Variants in TTC28 observed in about 807,000 individuals in gnomAD.
TTC28 encodes the protein tetratricopeptide repeat protein 28.
TTC28 carries 61 observed loss-of-function variants against 198.0 expected under a neutral mutation model. The observed-to-expected ratio is 0.31, with a 90% confidence interval of 0.25 to 0.38. TTC28 has a LOEUF of 0.38. TTC28 is among the 10% of genes least tolerant of loss of function. The probability of loss-of-function intolerance (pLI) is 1.00; values close to 1 mark genes in which losing one functional copy is unlikely to be tolerated. For missense variants in TTC28, 2,678 were observed against 3,164.0 expected (o/e 0.85, Z 3.69); for synonymous variants, 1,171 against 1,297.8 (o/e 0.90, Z 2.10).
At chr22:28,202,564 T>C (rs181750991) in intron 5 of TTC28, among the ~76,000 whole-genome samples, 1 of 150,088 alleles carries the variant, frequency 6.7e-6, no homozygotes, top group East Asian at 2.0e-4. Flanking sequence ...GAAACAAGAA[T>C]AGGTAGAATT....
chr22:28,655,519 T>A (rs761580355), intron 1 of TTC28, among the ~76,000 whole-genome samples: 1 of 152,214 alleles, frequency 6.6e-6, no homozygotes, highest in Non-Finnish European at 1.5e-5. Context: ...GTCCCTAAGA[T>A]GTTACTTTAT....
At chr22:28,212,048 G>A (rs1927018188) in intron 5 of TTC28, among the ~76,000 whole-genome samples, 1 of 152,080 alleles carries the variant, frequency 6.6e-6, no homozygotes, top group Non-Finnish European at 1.5e-5. Flanking sequence ...ACGAAATGAA[G>A]GCAGAAATAA....
chr22:28,107,498 C>T lies in TTC28; in HGVS notation c.2347G>A (p.Val783Ile). The change falls in exon 7 of 23, where the codon GTA becomes ATA. Residue 783 changes from valine to isoleucine, a missense_variant. Around this residue, in one of 8 missense-constraint regions of TTC28, gnomAD observed 775 missense variants for 845.9 expected, o/e 0.92. Coordinates refer to ENST00000397906, the MANE Select transcript of TTC28 (RefSeq NM_001145418.2). ...ALGYHTQELE[V>I]YQELSDLPGE... ...GGCAAGTCACTCAGCTCCTGATATACCTCCAGTTCCTGTGTGTGATAACCC... is the reference window on the plus strand; with the variant it reads ...GGCAAGTCACTCAGCTCCTGATATATCTCCAGTTCCTGTGTGTGATAACCC... The T allele has an allele frequency of 6.4e-7, 1 of 1,551,770 alleles. No individual in the cohort carries two copies.
chr22:28,291,426 T>C (rs908248268), intron 5 of TTC28, among the ~76,000 whole-genome samples: 2 of 152,164 alleles, frequency 1.3e-5, no homozygotes, highest in East Asian at 3.8e-4. Context: ...AATAAAAGCA[T>C]AAAGCTCTTT....
chr22:28,070,393 A>G (rs894936641), intron 12 of TTC28, among the ~76,000 whole-genome samples: 6 of 152,212 alleles, frequency 3.9e-5, no homozygotes, highest in Admixed American at 1.3e-4. Flanking sequence ...CCAAAAAAGT[A>G]AGACTACTCA....
intron 14 of TTC28, among the ~76,000 whole-genome samples, chr22:28,004,352 T>C (rs1203939647): frequency 6.6e-6 from 1 of 152,144 alleles, no homozygotes; most frequent in Non-Finnish European, 1.5e-5. Context: ...GAGGGGGCTG[T>C]ACCCAAGAGT....
intron 1 of TTC28, among the ~76,000 whole-genome samples, chr22:28,643,921 C>G (rs1447246684): frequency 6.6e-6 from 1 of 152,118 alleles, no homozygotes; most frequent in African/African-American, 2.4e-5. Flanking sequence ...CTATTATTAT[C>G]TCTAGTAGGG....
intron 2 of TTC28, among the ~76,000 whole-genome samples, chr22:28,407,850 T>C (rs1206923148): frequency 6.6e-6 from 1 of 152,238 alleles, no homozygotes; most frequent in South Asian, 2.1e-4. Flanking sequence ...GGCCATTCTA[T>C]TGGATCTGGC....
At chr22:28,212,012 G>A (rs554731674) in intron 5 of TTC28, among the ~76,000 whole-genome samples, 30 of 152,264 alleles carry the variant, frequency 2.0e-4, no homozygotes, top group South Asian at 1.0e-3. Context: ...TGAACAACGT[G>A]CTCCTCAATG....
At chr22:28,165,009 G>A (rs1921745020) in intron 5 of TTC28, among the ~76,000 whole-genome samples, 1 of 152,194 alleles carries the variant, frequency 6.6e-6, no homozygotes, top group Non-Finnish European at 1.5e-5. Context: ...GAAAACCATG[G>A]CATGAGAACT....
intron 12 of TTC28, among the ~76,000 whole-genome samples, chr22:28,076,082 G>C (rs1041343009): frequency 6.6e-6 from 1 of 152,200 alleles, no homozygotes; most frequent in African/African-American, 2.4e-5. Context: ...AATAAAATAA[G>C]TGCCAAAATA....
At chr22:28,616,458 T>A (rs2050906867) in intron 2 of TTC28, among the ~76,000 whole-genome samples, 1 of 152,212 alleles carries the variant, frequency 6.6e-6, no homozygotes, top group Non-Finnish European at 1.5e-5. Flanking sequence ...GGTCAAGATA[T>A]GTTTAAACAT....
intron 9 of TTC28, among the ~76,000 whole-genome samples, chr22:28,100,649 C>T (rs578161984): frequency 1.3e-5 from 2 of 152,296 alleles, no homozygotes; most frequent in South Asian, 2.1e-4. Flanking sequence ...CTCACATGCT[C>T]GCTATCTGGA....
intron 2 of TTC28, among the ~76,000 whole-genome samples, chr22:28,524,457 C>G (rs1382802356): frequency 2.3e-5 from 3 of 130,850 alleles, no homozygotes; most frequent in Non-Finnish European, 4.7e-5. Flanking sequence ...CAGAAGCCAG[C>G]TCAAAAAAAA....
intron 2 of TTC28, among the ~76,000 whole-genome samples, chr22:28,324,608 T>A (rs2045498025): frequency 6.6e-6 from 1 of 152,086 alleles, no homozygotes; most frequent in South Asian, 2.1e-4. Flanking sequence ...ATAAACGTAA[T>A]CCACTACATA....
chr22:28,331,046 AG>A (rs2045607285), intron 2 of TTC28, among the ~76,000 whole-genome samples: 1 of 152,226 alleles, frequency 6.6e-6, no homozygotes, highest in African/African-American at 2.4e-5. Context: ...ACTGAATTAT[AG>A]GACTAGCAAT....
intron 12 of TTC28, among the ~76,000 whole-genome samples, chr22:28,041,865 A>G (rs1939652108): frequency 6.6e-6 from 1 of 152,208 alleles, no homozygotes; most frequent in South Asian, 2.1e-4. Flanking sequence ...AGAATCTACA[A>G]AGAACTCAAA....
At chr22:28,015,938 C>G (rs1938355341) in intron 13 of TTC28, among the ~76,000 whole-genome samples, 1 of 151,818 alleles carries the variant, frequency 6.6e-6, no homozygotes, top group East Asian at 1.9e-4. Flanking sequence ...AGACCAGGAG[C>G]TGTGACATCA....
At chr22:28,121,286 T>C (rs182230426) in intron 6 of TTC28, among the ~76,000 whole-genome samples, 1 of 152,374 alleles carries the variant, frequency 6.6e-6, no homozygotes, top group Non-Finnish European at 1.5e-5. Flanking sequence ...AAGACATTTG[T>C]TGGTTCACAG....
Sources: allele counts gnomAD v4.1 joint callset (sites outside exome capture counted in the v4.1 genomes callset), GRCh38; gene constraint gnomAD v4.1.1; regional missense constraint gnomAD v4.1.1; transcripts MANE v1.5; gene names NCBI Gene and HGNC (gene_info 2026-07-23, HGNC 2026-07-21).